The following SYNE2 variants were observed in gnomAD, a reference collection of about 807,000 sequenced individuals.
The protein encoded by SYNE2 is nesprin-2.
In SYNE2, 431 loss-of-function variants were observed where a neutral mutation model predicts 856.3. That is an observed-to-expected ratio of 0.50 (90% CI 0.47 to 0.55). The LOEUF is 0.55. SYNE2 is among the 20% of genes least tolerant of loss of function. The probability of loss-of-function intolerance (pLI) is 0.00; values close to 1 mark genes in which losing one functional copy is unlikely to be tolerated. For synonymous variants in SYNE2, 2,923 were observed against 2,872.3 expected, an observed-to-expected ratio of 1.02 and a Z score of -0.56; for missense variants, 8,129 against 8,023.2, an observed-to-expected ratio of 1.01 and a Z score of -0.50.
intron 21 of SYNE2, 88 bp downstream of exon 21, chr14:63,991,203 A>G: frequency 3.1e-6 from 4 of 1,291,514 alleles, no homozygotes; most frequent in Non-Finnish European, 4.4e-6. Context: ...CACTGTAATT[A>G]TATACTGAGT....
In SYNE2 at chr14:64,038,171, G is replaced by A. The variant is rs1379846898; in HGVS notation, c.7221+6814G>A. Among the ~76,000 whole-genome samples, 72 of 151,768 alleles carry A rather than the reference G, an allele frequency of 4.7e-4. No individual in the cohort carries two copies. The East Asian group carries it at 0.013, about 28-fold the overall frequency. On this transcript the variant is annotated intron_variant, in intron 45 of 115. Transcript: ENST00000555002. The stretch of plus-strand genomic sequence containing the variant: ...CTCCTCACATCCCAGACGGGGCGGC[G>A]GGGCAGAGACGCTCCCCACATCTCA...
chr14:63,975,887 C>G (rs79269521), intron 11 of SYNE2, among the ~76,000 whole-genome samples: 2,998 of 152,220 alleles, frequency 0.02, 105 homozygotes, highest in African/African-American at 0.069. Context: ...AATGAATGAA[C>G]GTGTGAGTGA....
chr14:64,220,126 A>C (rs2140371608), intron 110 of SYNE2, among the ~76,000 whole-genome samples: 1 of 152,344 alleles, frequency 6.6e-6, no homozygotes, highest in East Asian at 1.9e-4. Flanking sequence ...GAATAACCAC[A>C]TATACTTTAT....
chr14:63,939,352 T>TC (rs1401996193), intron 2 of SYNE2, among the ~76,000 whole-genome samples: 15 of 149,268 alleles, frequency 1.0e-4, no homozygotes, highest in Admixed American at 3.3e-4. Context: ...TTTTTCTTTT[T>TC]TTTTTTTTTT....
chr14:63,980,598 T>C, intron 14 of SYNE2, 56 bp from the exon 15 acceptor site: 2 of 1,236,952 alleles, frequency 1.6e-6, no homozygotes, highest in East Asian at 4.8e-5. Context: ...TATCTGGATT[T>C]CTTGGCACAA....
chr14:64,188,285 A>C (rs1470930282), intron 97 of SYNE2, among the ~76,000 whole-genome samples: 1 of 152,210 alleles, frequency 6.6e-6, no homozygotes, highest in Non-Finnish European at 1.5e-5. Flanking sequence ...CCAGATAGTA[A>C]CACACGAGTA....
chr14:64,013,317 C>T (rs1274614270), intron 32 of SYNE2, among the ~76,000 whole-genome samples: 5 of 109,180 alleles, frequency 4.6e-5, no homozygotes, highest in Non-Finnish European at 9.2e-5. Flanking sequence ...TTTTTTTCCT[C>T]ATTAAATTTT....
chr14:64,220,500 G>T lies in SYNE2; in HGVS notation c.19924G>T (p.Glu6642Ter). Reference protein sequence around the residue: ...LVVSVNVSSKEFLQTESPEST... With the variant: ...LVVSVNVSSK Reference sequence around the variant, plus strand: ...GGTCTCTGTCAACGTGAGCAGCAAGGAATTTCTGCAAACCGAGAGCCCCGA... The same window carrying T: ...GGTCTCTGTCAACGTGAGCAGCAAGTAATTTCTGCAAACCGAGAGCCCCGA... Residue 6642 changes from glutamate to a stop codon, truncating the protein, a stop_gained, in exon 111 of 116, where the codon GAA becomes TAA. Coordinates refer to ENST00000555002, the MANE Select transcript of SYNE2 (RefSeq NM_182914.3). LOFTEE classifies it high-confidence loss of function. The T allele has an allele frequency of 6.2e-7, 1 of 1,614,186 alleles. No individual in the cohort carries two copies. Among genetic ancestry groups the T allele is most frequent in the Non-Finnish European group, 8.5e-7 (1 of 1,180,042 alleles).
Position 64,219,109 on chromosome 14 carries a change from T to TG in SYNE2, c.19658-99_19658-98insG, listed in dbSNP as rs33992127. ...GAATCCCCTACAGTTTTTTTGTTTT[T>TG]TTTTTTTTTTTTTTTAACCACCCTG... is the stretch of plus-strand genomic sequence containing the variant. On this transcript the variant is annotated intron_variant, in intron 109 of 115. Coordinates refer to ENST00000555002, the MANE Select transcript of SYNE2 (RefSeq NM_182914.3). The TG allele has an allele frequency of 3.1e-3, 2,722 of 871,174 alleles. 5 individuals carry two copies. The highest frequency in any genetic ancestry group is 0.013 in the African/African-American group (592 of 45,320). 54.0% of individuals were successfully genotyped at this position (871,174 alleles called of 1,614,324 possible). A position where few individuals can be genotyped will look rare whatever the true frequency, so the allele number is the denominator to read the frequency against.
intron 49 of SYNE2, among the ~76,000 whole-genome samples, chr14:64,059,569 A>G (rs2153584332): frequency 6.6e-6 from 1 of 152,358 alleles, no homozygotes; most frequent in Admixed American, 6.5e-5. Flanking sequence ...TAGGGGTGAC[A>G]CAAGCACCCT....
Position 63,977,992 on chromosome 14 carries a change from A to G in SYNE2, c.1381A>G (p.Asn461Asp). The change falls in exon 13 of 116, where the codon AAC becomes GAC. Residue 461 changes from asparagine (N) to aspartate (D), a missense_variant. Transcript: ENST00000555002. Reference protein sequence around the residue: ...DENHLPLVPPNKLEEMKRRIN... With the variant: ...DENHLPLVPPDKLEEMKRRIN... ...AAATCACTTGCCATTGGTACCACCTAACAAATTGGAGGAAATGAAAAGACG... is the reference window on the plus strand; with the variant it reads ...AAATCACTTGCCATTGGTACCACCTGACAAATTGGAGGAAATGAAAAGACG... 6.2e-7 allele frequency: 1 copy of G among 1,612,656 alleles called. No homozygotes were observed. Among genetic ancestry groups the G allele is most frequent in the Non-Finnish European group, 8.5e-7 (1 of 1,178,660 alleles).
At chr14:64,043,587 C>T (rs757978951) in intron 45 of SYNE2, among the ~76,000 whole-genome samples, 3 of 152,192 alleles carry the variant, frequency 2.0e-5, no homozygotes, top group Non-Finnish European at 2.9e-5. Context: ...TCAGCCGCTC[C>T]AGCCTTGACT....
At chr14:64,139,839 A>G (rs995332263) in intron 79 of SYNE2, 102 bp from the exon 80 acceptor site, 10 of 1,141,784 alleles carry the variant, frequency 8.8e-6, no homozygotes, top group African/African-American at 1.5e-5. Flanking sequence ...GGACTGATCA[A>G]CATAGGAGGA....
In SYNE2 at chr14:64,098,785, C is replaced by A; in HGVS notation, c.12345C>A (p.Val4115=). The stretch of plus-strand genomic sequence containing the variant: ...GCTCCATGTCTTACCTGGCAGCAGT[C>A]GAGGAAGAGGTGGAAGAAAGTTCCG... The part of the protein sequence containing the change: ...RRGSMSYLAA[V]EEEVEESSVK... The change falls in exon 63 of 116, where the codon GTC becomes GTA. Residue 4115 remains valine, a synonymous_variant. Transcript: ENST00000555002. 3.1e-6 allele frequency: 5 copies of A among 1,613,810 alleles called. No individual in the cohort carries two copies. Among genetic ancestry groups the A allele is most frequent in the Non-Finnish European group, 4.2e-6 (5 of 1,179,970 alleles).
chr14:63,905,883 A>AG (rs1171222720), intron 1 of SYNE2, among the ~76,000 whole-genome samples: 5 of 152,260 alleles, frequency 3.3e-5, no homozygotes, highest in Non-Finnish European at 2.9e-5. Flanking sequence ...TCTGACTCTC[A>AG]GGGGGAATTG....
intron 1 of SYNE2, among the ~76,000 whole-genome samples, chr14:63,786,415 AAAG>A (rs1170478318): frequency 6.6e-6 from 1 of 152,142 alleles, no homozygotes; most frequent in African/African-American, 2.4e-5. Flanking sequence ...CAAAAAGAAA[AAAG>A]AAAAACAGCA....
In SYNE2 at chr14:64,158,607, T is replaced by C. The variant is rs755440765; in HGVS notation, c.15793-18T>C. 1 of 1,613,640 alleles carries C rather than the reference T, an allele frequency of 6.2e-7. No homozygotes were observed. The highest frequency in any genetic ancestry group is 8.5e-7 in the Non-Finnish European group (1 of 1,179,708). ...CTCAGTGATTTTCTAAATCAGTACG[T>C]TTCCACTTTTTGTCTAGGTCAATCA... is the stretch of plus-strand genomic sequence containing the variant. On this transcript the variant is annotated intron_variant, in intron 85 of 115. Coordinates refer to ENST00000555002, the MANE Select transcript of SYNE2 (RefSeq NM_182914.3).
intron 61 of SYNE2, among the ~76,000 whole-genome samples, chr14:64,094,746 A>G (rs1383257009): frequency 6.6e-6 from 1 of 152,254 alleles, no homozygotes; most frequent in Non-Finnish European, 1.5e-5. Context: ...TAAAAAATCA[A>G]GGACCCCAGA....
chr14:64,100,045 G>T (rs907833833), intron 63 of SYNE2: 1 of 151,948 alleles, frequency 6.6e-6, no homozygotes, highest in Non-Finnish European at 1.5e-5. Context: ...GTTTACTGCG[G>T]CATTATTCAC....
Sources: gnomAD v4.1 joint callset for allele counts (sites outside exome capture counted in the v4.1 genomes callset) on GRCh38, gnomAD v4.1.1 for gene constraint, MANE v1.5 for transcripts, NCBI Gene and HGNC (gene_info 2026-07-23, HGNC 2026-07-21) for gene names.